The following SV2C variants were observed in gnomAD, a reference collection of about 807,000 sequenced individuals.
The protein encoded by SV2C is solute carrier family 22 member B3.
SV2C carries 49 observed loss-of-function variants against 79.7 expected under a neutral mutation model. That is an observed-to-expected ratio of 0.61 (90% CI 0.49 to 0.78). The LOEUF (loss-of-function observed/expected upper bound fraction) is 0.78, where lower values mean the gene tolerates loss of function less well. SV2C is among the 30% of genes least tolerant of loss of function. The probability of loss-of-function intolerance (pLI) is 0.00; values close to 1 mark genes in which losing one functional copy is unlikely to be tolerated. For missense variants in SV2C, 833 were observed against 912.9 expected (o/e 0.91, Z 1.13); for synonymous variants, 334 against 333.2 (o/e 1.00, Z -0.03).
chr5:75,964,607 T>C, the SV2C span, among the ~76,000 whole-genome samples: 1 of 152,168 alleles, frequency 6.6e-6, no homozygotes, highest in Non-Finnish European at 1.5e-5. Context: ...CTGGAGGATC[T>C]CTGGGCATCC....
intron 2 of SV2C, among the ~76,000 whole-genome samples, chr5:76,185,041 C>T (rs1486874317): frequency 6.6e-6 from 1 of 152,214 alleles, no homozygotes; most frequent in South Asian, 2.1e-4. Context: ...TACACAGATT[C>T]CCAATGGGAG....
intron 4 of SV2C, among the ~76,000 whole-genome samples, chr5:76,277,978 G>C (rs563815106): frequency 1.4e-4 from 22 of 152,258 alleles, no homozygotes; most frequent in African/African-American, 5.3e-4. Context: ...CTCTGCATTT[G>C]TCAAGCTCAT....
intron 4 of SV2C, among the ~76,000 whole-genome samples, chr5:76,245,372 A>T (rs1031926138): frequency 4.6e-5 from 7 of 152,132 alleles, no homozygotes; most frequent in African/African-American, 1.7e-4. Context: ...AGGACCAGGG[A>T]TGAAGATAGA....
chr5:76,126,848 A>G (rs1748720683), intron 1 of SV2C, among the ~76,000 whole-genome samples: 1 of 152,130 alleles, frequency 6.6e-6, no homozygotes, highest in Non-Finnish European at 1.5e-5. Context: ...CTGGAGTAGC[A>G]TTGCATAGGG....
chr5:75,948,206 C>T, the SV2C span, among the ~76,000 whole-genome samples: 2 of 152,012 alleles, frequency 1.3e-5, no homozygotes, highest in Non-Finnish European at 2.9e-5. Flanking sequence ...AGGACTGCAC[C>T]TTACATCCAT....
intron 4 of SV2C, among the ~76,000 whole-genome samples, chr5:76,273,164 TATATATAC>T (rs925793235): frequency 5.9e-4 from 71 of 120,810 alleles, no homozygotes; most frequent in East Asian, 2.4e-3. Context: ...TATATATATA[TATATATAC>T]ACACATATAT....
chr5:75,958,450 G>C, the SV2C span, among the ~76,000 whole-genome samples: 1 of 151,940 alleles, frequency 6.6e-6, no homozygotes, highest in Non-Finnish European at 1.5e-5. Context: ...CTCAACTTCT[G>C]GGTCCACTGG....
the SV2C span, among the ~76,000 whole-genome samples, chr5:76,018,027 C>G: frequency 5.2e-3 from 792 of 152,210 alleles, 10 homozygotes; most frequent in African/African-American, 0.018. Flanking sequence ...TTTTAGAGTC[C>G]TGGTTGTGGC....
the SV2C span, among the ~76,000 whole-genome samples, chr5:76,070,643 G>T: frequency 6.6e-6 from 1 of 152,110 alleles, no homozygotes; most frequent in Non-Finnish European, 1.5e-5. Context: ...AAAATGATAT[G>T]GTACCAAAAT....
chr5:76,155,104 A>G (rs1275390525), intron 2 of SV2C, among the ~76,000 whole-genome samples: 4 of 152,242 alleles, frequency 2.6e-5, no homozygotes, highest in African/African-American at 9.6e-5. Flanking sequence ...TAAAGTAAAC[A>G]TAGAGTGGCT....
At chr5:76,101,656 T>C (rs1323456153) in intron 1 of SV2C, among the ~76,000 whole-genome samples, 1 of 152,214 alleles carries the variant, frequency 6.6e-6, no homozygotes, top group Non-Finnish European at 1.5e-5. Flanking sequence ...CAGTGACTGC[T>C]AATAATTATT....
chr5:76,344,480 G>A (rs575832398), intron 12 of SV2C, among the ~76,000 whole-genome samples: 18 of 152,278 alleles, frequency 1.2e-4, no homozygotes, highest in East Asian at 1.9e-4. Flanking sequence ...AGGCCAAGGC[G>A]GGCGGATCAC....
intron 1 of SV2C, among the ~76,000 whole-genome samples, chr5:76,121,988 C>A (rs1344463862): frequency 1.3e-5 from 2 of 152,088 alleles, no homozygotes; most frequent in Non-Finnish European, 2.9e-5. Context: ...GATATTGATT[C>A]TTCCTACCCA....
At chr5:76,171,628 C>G (rs1463584130) in intron 2 of SV2C, among the ~76,000 whole-genome samples, 3 of 144,970 alleles carry the variant, frequency 2.1e-5, no homozygotes, top group Non-Finnish European at 4.7e-5. Context: ...GTCAGCCCCC[C>G]GCCCGGCCAG....
At chr5:75,948,167 C>A in the SV2C span, among the ~76,000 whole-genome samples, 1 of 151,920 alleles carries the variant, frequency 6.6e-6, no homozygotes, top group African/African-American at 2.4e-5. Context: ...TATGTTTCTC[C>A]CCAACTAGGC....
At chr5:76,143,016 C>T (rs992918943) in intron 2 of SV2C, among the ~76,000 whole-genome samples, 4 of 151,356 alleles carry the variant, frequency 2.6e-5, no homozygotes, top group African/African-American at 7.3e-5. Flanking sequence ...CCTGCCTCAG[C>T]CTCCCAAGTA....
At chr5:76,186,128 C>T (rs1743908842) in intron 2 of SV2C, among the ~76,000 whole-genome samples, 2 of 152,168 alleles carry the variant, frequency 1.3e-5, no homozygotes, top group Non-Finnish European at 2.9e-5. Flanking sequence ...TTGAGACCAC[C>T]TCAGCCTGGA....
At chr5:75,949,003 G>A in the SV2C span, among the ~76,000 whole-genome samples, 1 of 151,830 alleles carries the variant, frequency 6.6e-6, no homozygotes, top group South Asian at 2.1e-4. Flanking sequence ...CTGGTGGGAG[G>A]TGTTTTGGTC....
chr5:76,050,937 A>G, the SV2C span, among the ~76,000 whole-genome samples: 1 of 152,378 alleles, frequency 6.6e-6, no homozygotes, highest in Middle Eastern at 3.4e-3. Context: ...CTGGAATAAA[A>G]AATAATGATA....
Sources: allele counts gnomAD v4.1 joint callset (sites outside exome capture counted in the v4.1 genomes callset), GRCh38; gene constraint gnomAD v4.1.1; transcripts MANE v1.5; gene names NCBI Gene and HGNC (gene_info 2026-07-23, HGNC 2026-07-21).